PIK3C2G: variants seen among roughly 807,000 people sequenced by gnomAD.
PIK3C2G encodes phosphatidylinositol 3-kinase C2 domain-containing subunit gamma.
PIK3C2G carries 168 observed loss-of-function variants against 181.1 expected under a neutral mutation model. The observed-to-expected ratio is 0.93, with a 90% CI of 0.82 to 1.05. The LOEUF (loss-of-function observed/expected upper bound fraction) is 1.05. PIK3C2G is among the 50% of genes least tolerant of loss of function. The pLI, the probability that PIK3C2G is intolerant of heterozygous loss-of-function variation, is 0.00. For missense variants in PIK3C2G, 1,869 were observed against 1,732.8 expected (o/e 1.08, Z -1.40); for synonymous variants, 573 against 592.2 (o/e 0.97, Z 0.47).
chr12:18,420,928 T>C lies in PIK3C2G; in HGVS notation c.2316-13T>C. 1 of 1,413,176 alleles carries C rather than the reference T, an allele frequency of 7.1e-7. No homozygotes were observed. The highest frequency in any genetic ancestry group is 1.0e-6 in the Non-Finnish European group (1 of 998,142). The allele number at this position is 1,413,176 out of a possible 1,614,324, so 87.5% of individuals were successfully genotyped here. ...CCATTAACAGCTTAGTGGATATATT[T>C]ACTGTGTATTAGTTTTCCAGATCAA... On this transcript the variant is annotated splice_polypyrimidine_tract_variant and intron_variant, in intron 16 of 32. Coordinates refer to ENST00000538779, the MANE Select transcript of PIK3C2G (RefSeq NM_001288772.2).
chr12:18,399,786 A>G lies in PIK3C2G; in HGVS notation c.2254A>G (p.Thr752Ala). The G allele has an allele frequency of 1.0e-5, 16 of 1,607,222 alleles. No homozygotes were observed. The highest frequency in any genetic ancestry group is 1.3e-5 in the Non-Finnish European group (15 of 1,174,982). Reference protein sequence around the residue: ...WDERTVSEMHTILRRWTFSQP... With the variant: ...WDERTVSEMHAILRRWTFSQP... ...TGAAAGGACTGTTTCAGAAATGCATACCATTTTGAGAAGATGGACATTTTC... is the reference window on the plus strand; with the variant it reads ...TGAAAGGACTGTTTCAGAAATGCATGCCATTTTGAGAAGATGGACATTTTC... Residue 752 changes from threonine to alanine, a missense_variant, in exon 16 of 33, where the codon ACC becomes GCC. Transcript: ENST00000538779.
At chr12:18,501,590 T>C (rs1248217447) in intron 22 of PIK3C2G, among the ~76,000 whole-genome samples, 1 of 152,208 alleles carries the variant, frequency 6.6e-6, no homozygotes, top group African/African-American at 2.4e-5. Context: ...ACCACACATA[T>C]TACTCTATGT....
chr12:18,579,549 GTC>G (rs144472483), intron 29 of PIK3C2G, among the ~76,000 whole-genome samples: 18 of 150,254 alleles, frequency 1.2e-4, no homozygotes, highest in African/African-American at 1.5e-4. Flanking sequence ...TCCTCTGTCT[GTC>G]TCTCTCTCTC....
At chr12:18,637,165 A>T (rs567113586) in intron 31 of PIK3C2G, among the ~76,000 whole-genome samples, 2 of 152,248 alleles carry the variant, frequency 1.3e-5, no homozygotes, top group South Asian at 2.1e-4. Context: ...AGATCTGATT[A>T]TATCCTTTCC....
intron 8 of PIK3C2G, among the ~76,000 whole-genome samples, chr12:18,326,613 T>C (rs1951356797): frequency 6.6e-6 from 1 of 152,158 alleles, no homozygotes; most frequent in South Asian, 2.1e-4. Flanking sequence ...TTCTATTTTT[T>C]CTGCTCCAGC....
the PIK3C2G span, among the ~76,000 whole-genome samples, chr12:18,667,468 T>C: frequency 1.3e-5 from 2 of 152,184 alleles, no homozygotes; most frequent in South Asian, 4.1e-4. Context: ...CTAAGTACTA[T>C]GTTTTGAGAA....
chr12:18,650,509 A>T (rs1950401296), downstream of PIK3C2G, among the ~76,000 whole-genome samples: 5 of 150,414 alleles, frequency 3.3e-5, no homozygotes, highest in South Asian at 1.1e-3. Flanking sequence ...TATGAAAAAA[A>T]ATTAAGCTAT....
chr12:18,288,181 T>TA (rs1473547161), intron 3 of PIK3C2G, among the ~76,000 whole-genome samples: 1 of 152,120 alleles, frequency 6.6e-6, no homozygotes, highest in African/African-American at 2.4e-5. Flanking sequence ...GAGAAGAAGA[T>TA]AAACTAATGC....
intron 16 of PIK3C2G, among the ~76,000 whole-genome samples, chr12:18,406,791 A>G (rs1285623932): frequency 6.6e-6 from 1 of 152,182 alleles, no homozygotes; most frequent in Non-Finnish European, 1.5e-5. Context: ...GAATACAATT[A>G]TAGATAAGTG....
intron 15 of PIK3C2G, 122 bp downstream of exon 15, chr12:18,391,374 T>C (rs1943522066): frequency 1.7e-6 from 1 of 600,756 alleles, no homozygotes; most frequent in Non-Finnish European, 2.6e-6. Flanking sequence ...TTTCATTTCC[T>C]GATGTCATGC....
At chr12:18,629,286 C>T (rs1034164112) in intron 31 of PIK3C2G, among the ~76,000 whole-genome samples, 4 of 152,138 alleles carry the variant, frequency 2.6e-5, no homozygotes, top group African/African-American at 9.7e-5. Flanking sequence ...GAATACAGCA[C>T]AAAAATGTAA....
At chr12:18,529,180 C>A (rs563436906) in intron 24 of PIK3C2G, among the ~76,000 whole-genome samples, 22 of 150,536 alleles carry the variant, frequency 1.5e-4, no homozygotes, top group South Asian at 8.3e-4. Flanking sequence ...ATATTAAATT[C>A]ATACCTTTAA....
intron 15 of PIK3C2G, among the ~76,000 whole-genome samples, chr12:18,398,648 A>G (rs1393206138): frequency 6.6e-6 from 1 of 152,158 alleles, no homozygotes; most frequent in Non-Finnish European, 1.5e-5. Context: ...GCAAAACATG[A>G]TAAATTGTCA....
intron 18 of PIK3C2G, among the ~76,000 whole-genome samples, chr12:18,456,028 G>T (rs553105609): frequency 6.6e-6 from 1 of 152,236 alleles, no homozygotes; most frequent in East Asian, 1.9e-4. Flanking sequence ...AGCAATGTTT[G>T]TTAAGCATTC....
the PIK3C2G span, among the ~76,000 whole-genome samples, chr12:18,707,447 G>C: frequency 6.6e-6 from 1 of 152,114 alleles, no homozygotes; most frequent in African/African-American, 2.4e-5. Context: ...CATCTTGTGG[G>C]AAGATCCTCT....
the PIK3C2G span, among the ~76,000 whole-genome samples, chr12:18,701,987 C>G: frequency 6.6e-6 from 1 of 151,978 alleles, no homozygotes; most frequent in Non-Finnish European, 1.5e-5. Flanking sequence ...AAAAAATAAG[C>G]CTGTTATGAT....
intron 25 of PIK3C2G, among the ~76,000 whole-genome samples, chr12:18,543,957 A>C (rs1944295840): frequency 6.6e-6 from 1 of 151,906 alleles, no homozygotes; most frequent in Non-Finnish European, 1.5e-5. Flanking sequence ...AAACATACAT[A>C]TGAACAAAAC....
chr12:18,587,451 C>G (rs1048883757), intron 29 of PIK3C2G, among the ~76,000 whole-genome samples: 5 of 152,000 alleles, frequency 3.3e-5, no homozygotes, highest in African/African-American at 1.2e-4. Flanking sequence ...AAATCCCTTT[C>G]ATAATTGCCA....
intron 18 of PIK3C2G, among the ~76,000 whole-genome samples, chr12:18,469,369 G>A (rs560499046): frequency 6.6e-6 from 1 of 152,208 alleles, no homozygotes; most frequent in Non-Finnish European, 1.5e-5. Flanking sequence ...GGAAAGAAAC[G>A]AGTGAACCCC....
Sources: allele counts gnomAD v4.1 joint callset (sites outside exome capture counted in the v4.1 genomes callset), GRCh38; gene constraint gnomAD v4.1.1; transcripts MANE v1.5; gene names NCBI Gene and HGNC (gene_info 2026-07-23, HGNC 2026-07-21).